Variants in PGM1 observed in about 807,000 individuals in gnomAD.
PGM1 encodes the protein phosphoglucomutase 1, also known as phosphoglucomutase-1.
A neutral mutation model predicts 55.6 loss-of-function variants in PGM1; 52 were observed. The ratio of observed to expected loss-of-function variants is 0.94; its 90% CI spans 0.75 to 1.18. PGM1 has a LOEUF of 1.18. Ranked by LOEUF, PGM1 falls within the 50% of genes most tolerant of loss-of-function variation. PGM1 has a pLI of 0.00. For missense variants in PGM1, 724 were observed against 729.3 expected, an observed-to-expected ratio of 0.99 and a Z score of 0.08; for synonymous variants, 287 against 271.7, an observed-to-expected ratio of 1.06 and a Z score of -0.55.
chr1:63,593,613 G>A lies in PGM1; in HGVS notation c.125G>A (p.Ser42Asn), dbSNP rs374207269. Residue 42 changes from serine (S) to asparagine (N), a missense_variant, in exon 1 of 11, where the codon AGT (serine) becomes AAT (asparagine). Transcript: ENST00000371084. ...AACTACGCGGAGAACTTCATCCAGAGTATCATCTCCACCGTGGAGCCGGCG... is the reference window on the plus strand; with the variant it reads ...AACTACGCGGAGAACTTCATCCAGAATATCATCTCCACCGTGGAGCCGGCG... ...SANYAENFIQ[S>N]IISTVEPAQR... The A allele has an allele frequency of 2.4e-5, 38 of 1,613,202 alleles. No homozygotes were observed. The highest frequency in any genetic ancestry group is 3.0e-5 in the Non-Finnish European group (35 of 1,179,826).
chr1:63,616,174 C>T (rs1648708976), intron 1 of PGM1, among the ~76,000 whole-genome samples: 1 of 152,120 alleles, frequency 6.6e-6, no homozygotes, highest in African/African-American at 2.4e-5. Flanking sequence ...GATTGAAATT[C>T]AAATTGTCTT....
chr1:63,639,388 G>A (rs1040558240), intron 7 of PGM1, among the ~76,000 whole-genome samples: 1 of 151,964 alleles, frequency 6.6e-6, no homozygotes, highest in Non-Finnish European at 1.5e-5. Context: ...AGGGTACATA[G>A]TATTCTCAGG....
intron 4 of PGM1, among the ~76,000 whole-genome samples, chr1:63,634,212 T>G (rs1056232443): frequency 6.6e-6 from 1 of 152,022 alleles, no homozygotes; most frequent in African/African-American, 2.4e-5. Flanking sequence ...ACACCAACAT[T>G]CCAATGTATC....
At chr1:63,625,800 T>C (rs1649000696) in intron 1 of PGM1, among the ~76,000 whole-genome samples, 1 of 152,178 alleles carries the variant, frequency 6.6e-6, no homozygotes, top group Non-Finnish European at 1.5e-5. Flanking sequence ...TAGAGCTCTC[T>C]GCTTTTAAAG....
intron 7 of PGM1, 61 bp from the exon 8 acceptor site, chr1:63,648,456 T>G: frequency 6.2e-7 from 1 of 1,603,748 alleles, no homozygotes. Context: ...CCATATCAAG[T>G]ACCTTCTCAG....
chr1:63,626,981 A>G (rs1294081340), intron 1 of PGM1, among the ~76,000 whole-genome samples: 1 of 151,424 alleles, frequency 6.6e-6, no homozygotes, highest in African/African-American at 2.4e-5. Flanking sequence ...GTCTTTTGTG[A>G]CAAATGCTGT....
At chr1:63,593,781 C>T (rs1194011380) in intron 1 of PGM1, 47 bp downstream of exon 1, 2 of 1,520,594 alleles carry the variant, frequency 1.3e-6, no homozygotes, top group Non-Finnish European at 1.8e-6. Context: ...GGCGCGTGTG[C>T]GACGTGCGGC....
intron 3 of PGM1, among the ~76,000 whole-genome samples, chr1:63,631,422 C>T (rs1341305866): frequency 6.6e-6 from 1 of 152,156 alleles, no homozygotes; most frequent in Admixed American, 6.5e-5. Context: ...CGAGTTTCCT[C>T]ATCTATCAAA....
At position 63,653,688 on chromosome 1, in the gene PGM1, C is replaced by T. The variant is rs143573508; in HGVS notation, c.1465-644C>T. 1.5e-3 allele frequency among the ~76,000 whole-genome samples: 226 copies of T among 152,206 alleles called. 1 individual carries two copies. Among genetic ancestry groups the T allele is most frequent in the Non-Finnish European group, 2.9e-3 (194 of 68,018 alleles). On this transcript the variant is annotated intron_variant, in intron 9 of 10. Coordinates refer to ENST00000371084, the MANE Select transcript of PGM1 (RefSeq NM_002633.3). ...GAAGATAATTGATGTCCAGAGATAC[C>T]GCTGGGGAGGAAAAAGAGAGGGCAG...
At chr1:63,599,685 G>A (rs1648180130) in intron 1 of PGM1, among the ~76,000 whole-genome samples, 1 of 152,128 alleles carries the variant, frequency 6.6e-6, no homozygotes. Flanking sequence ...GGCTACTTGA[G>A]ACACTGAGGT....
intron 1 of PGM1, among the ~76,000 whole-genome samples, chr1:63,606,480 T>G (rs1162795472): frequency 6.6e-6 from 1 of 152,198 alleles, no homozygotes; most frequent in South Asian, 2.1e-4. Flanking sequence ...CCCTGGAGTG[T>G]TGCTCTTATC....
At chr1:63,599,994 A>T (rs1194097325) in intron 1 of PGM1, 1 of 152,272 alleles carries the variant, frequency 6.6e-6, no homozygotes, top group Non-Finnish European at 1.5e-5. Flanking sequence ...ATTAGAAAAC[A>T]TGCTGAGCTC....
At chr1:63,646,195 C>T (rs3790857) in intron 7 of PGM1, among the ~76,000 whole-genome samples, 28,925 of 152,012 alleles carry the variant, frequency 0.19, 3,222 homozygotes, top group Admixed American at 0.33. Context: ...ATAAGACCAG[C>T]GGGAAGTGCA....
At chr1:63,596,995 T>C (rs1648095582) in intron 1 of PGM1, among the ~76,000 whole-genome samples, 1 of 152,264 alleles carries the variant, frequency 6.6e-6, no homozygotes, top group South Asian at 2.1e-4. Context: ...ACATTTATTA[T>C]GTGCTTGCTT....
chr1:63,638,763 C>G lies in PGM1; in HGVS notation c.1107C>G (p.Ser369Arg). 6.2e-7 allele frequency: 1 copy of G among 1,614,034 alleles called. No individual in the cohort carries two copies. The highest frequency in any genetic ancestry group is 8.5e-7 in the Non-Finnish European group (1 of 1,179,900). Residue 369 changes from serine (S) to arginine (R), a missense_variant, in exon 7 of 11, where the codon AGC becomes AGG. Physicochemically the swap from Ser to Arg is moderately radical, Grantham distance 110. Around this residue, in one of 3 missense-constraint regions of PGM1, gnomAD observed 316 missense variants for 313.1 expected, o/e 1.01. Transcript: ENST00000371084. ...WKFFGNLMDA[S>R]KLSLCGEESF... ...TTTTTGGGAATTTGATGGACGCGAG[C>G]AAACTGTCCCTTTGTGGGGAGGAGA...
chr1:63,628,015 T>A (rs1262949889), intron 1 of PGM1, among the ~76,000 whole-genome samples: 1 of 152,164 alleles, frequency 6.6e-6, no homozygotes, highest in Non-Finnish European at 1.5e-5. Context: ...TGCTTGTTAT[T>A]ATTGCTGCTG....
chr1:63,631,169 T>A (rs1260171675), intron 3 of PGM1, among the ~76,000 whole-genome samples: 1 of 152,206 alleles, frequency 6.6e-6, no homozygotes. Flanking sequence ...GAAAAGTGAT[T>A]CATTAAAAAA....
chr1:63,612,425 CT>C (rs1361812316), intron 1 of PGM1, among the ~76,000 whole-genome samples: 5 of 152,306 alleles, frequency 3.3e-5, no homozygotes, highest in African/African-American at 1.2e-4. Context: ...ATATAGTTCA[CT>C]AAGTTAAATT....
intron 1 of PGM1, among the ~76,000 whole-genome samples, chr1:63,624,254 A>AC: frequency 3.4e-3 from 1 of 298 alleles, no homozygotes; most frequent in South Asian, 0.071. Flanking sequence ...AAATGCTAGG[A>AC]GGGGTTGGAA....
Sources: gnomAD v4.1 joint callset for allele counts (sites outside exome capture counted in the v4.1 genomes callset) on GRCh38, gnomAD v4.1.1 for gene constraint, gnomAD v4.1.1 regional missense constraint, MANE v1.5 for transcripts, NCBI Gene and HGNC (gene_info 2026-07-23, HGNC 2026-07-21) for gene names.